The following CNST variants were observed in gnomAD, a reference collection of about 807,000 sequenced individuals.
The protein encoded by CNST is consortin.
CNST carries 39 observed loss-of-function variants against 72.4 expected under a neutral mutation model. That is an observed-to-expected ratio of 0.54 (90% CI 0.42 to 0.70). The LOEUF is 0.70. Ranked by LOEUF, CNST falls within the 30% of genes least tolerant of loss-of-function variation. CNST has a pLI of 0.00. For synonymous variants in CNST, 332 were observed against 320.1 expected, an observed-to-expected ratio of 1.04 and a Z score of -0.40; for missense variants, 871 against 868.5, an observed-to-expected ratio of 1.00 and a Z score of -0.04.
At position 246,566,515 on chromosome 1, in the gene CNST, G is replaced by A. The variant is rs1659691641; in HGVS notation, c.-200G>A. On this transcript the variant is annotated 5_prime_UTR_variant, in exon 1 of 11. Coordinates refer to ENST00000366513, the MANE Select transcript of CNST (RefSeq NM_152609.3). ...CGCGAGGGGTGCGCAGAGGGAGGCG[G>A]GGCGGAAAGGCGAGAGGTGTCTCCT... 1.2e-5 allele frequency: 5 copies of A among 432,880 alleles called. No homozygotes were observed. Among genetic ancestry groups the A allele is most frequent in the Non-Finnish European group, 2.1e-5 (5 of 243,082 alleles). 26.8% of individuals were successfully genotyped at this position (432,880 alleles called of 1,614,324 possible).
At chr1:246,664,384 T>C (rs1242916488) in intron 10 of CNST, among the ~76,000 whole-genome samples, 1 of 152,184 alleles carries the variant, frequency 6.6e-6, no homozygotes, top group African/African-American at 2.4e-5. Context: ...CGTCCTGGTT[T>C]ACACCTGTTG....
In CNST at chr1:246,665,810, C is replaced by G; in HGVS notation, c.2083C>G (p.Pro695Ala). The G allele has an allele frequency of 6.2e-7, 1 of 1,613,980 alleles. No individual in the cohort carries two copies. The highest frequency in any genetic ancestry group is 8.5e-7 in the Non-Finnish European group (1 of 1,179,946). The change falls in exon 11 of 11, where the codon CCT (proline) becomes GCT (alanine). Residue 695 changes from proline (P) to alanine (A), a missense_variant. By Grantham distance (27) the Pro-to-Ala change is conservative (BLOSUM62 -1). Coordinates refer to ENST00000366513, the MANE Select transcript of CNST (RefSeq NM_152609.3). ...LYCTFGDMESPVCTDFADNMD... is the reference protein window; with the variant it reads ...LYCTFGDMESAVCTDFADNMD... The stretch of plus-strand genomic sequence containing the variant: ...CTGCACTTTCGGTGACATGGAGTCA[C>G]CTGTTTGTACTGACTTTGCAGACAA...
At chr1:246,585,396 C>T (rs1043403544) in intron 1 of CNST, among the ~76,000 whole-genome samples, 12 of 152,176 alleles carry the variant, frequency 7.9e-5, no homozygotes, top group East Asian at 3.9e-4. Flanking sequence ...TCTGTAATCC[C>T]AGCACTTTGG....
chr1:246,611,230 C>T (rs1242561234), intron 2 of CNST, among the ~76,000 whole-genome samples: 1 of 152,200 alleles, frequency 6.6e-6, no homozygotes, highest in Non-Finnish European at 1.5e-5. Flanking sequence ...CAAAGCTTTG[C>T]TACTCTTTTG....
intron 9 of CNST, among the ~76,000 whole-genome samples, chr1:246,653,069 A>G (rs1253924837): frequency 1.3e-5 from 2 of 151,974 alleles, no homozygotes; most frequent in South Asian, 4.1e-4. Context: ...CCCTCTGTCT[A>G]GATTAGCAAC....
chr1:246,653,339 T>A (rs970205204), intron 9 of CNST, among the ~76,000 whole-genome samples: 26 of 152,302 alleles, frequency 1.7e-4, no homozygotes, highest in Middle Eastern at 3.4e-3. Flanking sequence ...TCTTGCCAAG[T>A]GAAGATGGGA....
chr1:246,600,449 G>GT (rs1301741109), intron 2 of CNST, among the ~76,000 whole-genome samples: 3 of 152,188 alleles, frequency 2.0e-5, no homozygotes, highest in Non-Finnish European at 2.9e-5. Context: ...GAGTTAAGGG[G>GT]TTTTACAGTA....
intron 2 of CNST, among the ~76,000 whole-genome samples, chr1:246,600,962 T>C (rs550449375): frequency 2.6e-5 from 4 of 152,290 alleles, no homozygotes; most frequent in Non-Finnish European, 1.5e-5. Flanking sequence ...CTAGGGCTCC[T>C]AATGAGCTAG....
chr1:246,637,751 G>A (rs1488326570), intron 6 of CNST, among the ~76,000 whole-genome samples: 2 of 152,232 alleles, frequency 1.3e-5, no homozygotes, highest in African/African-American at 2.4e-5. Flanking sequence ...TGGTGAAGGT[G>A]GGCCTGTTAT....
At chr1:246,649,605 T>A (rs1170348271) in intron 9 of CNST, among the ~76,000 whole-genome samples, 1 of 151,490 alleles carries the variant, frequency 6.6e-6, no homozygotes, top group Non-Finnish European at 1.5e-5. Flanking sequence ...CCTTTTTAGG[T>A]ATAAACTGTG....
In CNST at chr1:246,572,314, A is replaced by C. The variant is rs567000135; in HGVS notation, c.-52+5651A>C. Among the ~76,000 whole-genome samples the C allele has an allele frequency of 1.4e-4, 21 of 152,344 alleles. 1 individual carries two copies. In the South Asian group the frequency reaches 4.3e-3, roughly 32 times the overall value. On this transcript the variant is annotated intron_variant, in intron 1 of 10. Coordinates refer to ENST00000366513, the MANE Select transcript of CNST (RefSeq NM_152609.3). ...AAATAAGTTATTAAAAAATTTGGGA[A>C]CTTTATAAGATCAAATGCTGCTGTC...
intron 9 of CNST, among the ~76,000 whole-genome samples, chr1:246,648,691 T>A (rs1182211529): frequency 6.6e-6 from 1 of 152,200 alleles, no homozygotes; most frequent in Non-Finnish European, 1.5e-5. Context: ...ATTGCCTTAG[T>A]TCCAGTACAA....
chr1:246,622,803 A>AT (rs1156665769), intron 3 of CNST, among the ~76,000 whole-genome samples: 6 of 151,882 alleles, frequency 4.0e-5, no homozygotes, highest in South Asian at 2.1e-4. Context: ...GCTGCATCTT[A>AT]TTTTTTATTG....
intron 8 of CNST, among the ~76,000 whole-genome samples, chr1:246,642,299 A>C (rs940490610): frequency 2.0e-5 from 3 of 152,136 alleles, no homozygotes; most frequent in Non-Finnish European, 1.5e-5. Flanking sequence ...TTATGTTTTC[A>C]GTAGGTGGTT....
At chr1:246,582,884 C>T (rs934551949) in intron 1 of CNST, among the ~76,000 whole-genome samples, 3 of 152,176 alleles carry the variant, frequency 2.0e-5, no homozygotes, top group Non-Finnish European at 4.4e-5. Context: ...AACATTTCCT[C>T]CAGACCGTGG....
In CNST at chr1:246,643,129, C is replaced by T. The variant is rs550287901; in HGVS notation, c.937+1092C>T. Among the ~76,000 whole-genome samples the T allele has an allele frequency of 1.8e-4, 27 of 151,940 alleles. 1 individual carries two copies. Among genetic ancestry groups the T allele is most frequent in the African/African-American group, 5.5e-4 (23 of 41,460 alleles). On this transcript the variant is annotated intron_variant, in intron 8 of 10. Transcript: ENST00000366513. Reference sequence around the variant, plus strand: ...CTGGTCTGGAAGTCCTGAGCTCAAGCGATCCTCTCACCTCAGCCCCACAAA... The same window carrying T: ...CTGGTCTGGAAGTCCTGAGCTCAAGTGATCCTCTCACCTCAGCCCCACAAA...
chr1:246,639,141 G>A (rs1010822672), intron 6 of CNST, among the ~76,000 whole-genome samples: 3 of 152,032 alleles, frequency 2.0e-5, no homozygotes, highest in Non-Finnish European at 4.4e-5. Flanking sequence ...TCTGGAGGGC[G>A]GGTCCCTTAG....
At chr1:246,664,637 A>G (rs113629138) in intron 10 of CNST, among the ~76,000 whole-genome samples, 15,015 of 151,862 alleles carry the variant, frequency 0.099, 865 homozygotes, top group Middle Eastern at 0.15. Context: ...CGTGTCAGCC[A>G]GGATGGTCTC....
Position 246,647,963 on chromosome 1 carries a change from C to G in CNST, c.1762C>G (p.Leu588Val). The G allele has an allele frequency of 6.2e-7, 1 of 1,613,796 alleles. No homozygotes were observed. The highest frequency in any genetic ancestry group is 2.2e-5 in the East Asian group (1 of 44,890). Residue 588 changes from leucine (L) to valine (V), a missense_variant, in exon 9 of 11, where the codon CTC becomes GTC. Coordinates refer to ENST00000366513, the MANE Select transcript of CNST (RefSeq NM_152609.3). ...DLSPEEASYS[L>V]QENLPSDESC... The stretch of plus-strand genomic sequence containing the variant: ...CTCTCCTGAAGAAGCATCCTATAGT[C>G]TCCAGGAGAATCTGCCTTCTGATGA...
Sources: allele counts gnomAD v4.1 joint callset (sites outside exome capture counted in the v4.1 genomes callset), GRCh38; gene constraint gnomAD v4.1.1; transcripts MANE v1.5; gene names NCBI Gene and HGNC (gene_info 2026-07-23, HGNC 2026-07-21).